The following SAMD8 variants were observed in gnomAD, a reference collection of about 807,000 sequenced individuals.
The protein encoded by SAMD8 is sphingomyelin synthase-related protein 1.
A neutral mutation model predicts 42.0 loss-of-function variants in SAMD8; 20 were observed. That is an observed-to-expected ratio of 0.48 (90% CI 0.34 to 0.69). The LOEUF (loss-of-function observed/expected upper bound fraction) is 0.69. SAMD8 is among the 30% of genes least tolerant of loss of function. The pLI, the probability that SAMD8 is intolerant of heterozygous loss-of-function variation, is 0.01. For synonymous variants in SAMD8, 162 were observed against 173.0 expected, an observed-to-expected ratio of 0.94 and a Z score of 0.50; for missense variants, 328 against 511.6, an observed-to-expected ratio of 0.64 and a Z score of 3.46.
At chr10:75,108,145 G>C (rs770963771), upstream of SAMD8, 1 of 1,613,184 alleles carries the variant, frequency 6.2e-7, no homozygotes, top group Non-Finnish European at 8.5e-7. Context: ...AGGCCCTTGT[G>C]GGCGGCGTTC....
chr10:75,174,896 C>G (rs1840956555), intron 4 of SAMD8, among the ~76,000 whole-genome samples: 1 of 152,102 alleles, frequency 6.6e-6, no homozygotes, highest in African/African-American at 2.4e-5. Context: ...AATAAACACA[C>G]AATGGTTTAT....
chr10:75,113,324 G>C (rs1039086158), intron 1 of SAMD8, among the ~76,000 whole-genome samples: 2 of 151,582 alleles, frequency 1.3e-5, no homozygotes, highest in African/African-American at 4.8e-5. Flanking sequence ...AACTTTTTAT[G>C]TGATTATAGG....
rs748367379 is a variant in SAMD8 at position 75,164,693 on chromosome 10, G to T, written c.627G>T (p.Met209Ile). The T allele has an allele frequency of 1.2e-6, 2 of 1,614,120 alleles. No individual in the cohort carries two copies. The highest frequency in any genetic ancestry group is 1.7e-6 in the Non-Finnish European group (2 of 1,180,010). Residue 209 changes from methionine to isoleucine, a missense_variant, in exon 3 of 6, where the codon ATG becomes ATT. Coordinates refer to ENST00000542569, the MANE Select transcript of SAMD8 (RefSeq NM_001174156.2). ...WAFAMTEVCG[M>I]ILCYIWLLVL... ...TTGCCATGACGGAAGTATGTGGCAT[G>T]ATTCTGTGCTATATTTGGCTCCTGG...
At chr10:75,121,777 T>G (rs1280725891) in intron 1 of SAMD8, among the ~76,000 whole-genome samples, 1 of 152,098 alleles carries the variant, frequency 6.6e-6, no homozygotes, top group Non-Finnish European at 1.5e-5. Flanking sequence ...CTGCAACCTC[T>G]GCCTCCCAGG....
chr10:75,150,985 A>G lies in SAMD8; in HGVS notation c.457A>G (p.Ile153Val), dbSNP rs372822872. ...RRLDPEYWKT[I>V]LSCIYVFIVF... ...ATTGGACCCAGAATACTGGAAGACT[A>G]TACTGAGTTGTATATATGTTTTTAT... Residue 153 changes from isoleucine (I) to valine (V), a missense_variant, in exon 2 of 6, where the codon ATA (isoleucine) becomes GTA (valine). Transcript: ENST00000542569. 28 of 1,612,988 alleles carry G rather than the reference A, an allele frequency of 1.7e-5. No homozygotes were observed. The Middle Eastern group carries it at 5.0e-4, about 29-fold the overall frequency.
intron 1 of SAMD8, among the ~76,000 whole-genome samples, chr10:75,101,134 A>C (rs2134359803): frequency 6.6e-6 from 1 of 152,234 alleles, no homozygotes; most frequent in East Asian, 1.9e-4. Context: ...CCAGTGGGGA[A>C]CAGCTGTGGG....
chr10:75,128,050 C>T (rs953009341), intron 1 of SAMD8, among the ~76,000 whole-genome samples: 1 of 149,338 alleles, frequency 6.7e-6, no homozygotes, highest in African/African-American at 2.5e-5. Context: ...ATTAATCTGG[C>T]TCTGATTTTT....
chr10:75,147,151 A>G (rs1357792446), intron 1 of SAMD8, among the ~76,000 whole-genome samples: 1 of 152,184 alleles, frequency 6.6e-6, no homozygotes, highest in Non-Finnish European at 1.5e-5. Flanking sequence ...GGAAAAAAAC[A>G]TATAAAAGAA....
intron 4 of SAMD8, among the ~76,000 whole-genome samples, chr10:75,169,550 C>T (rs1282025384): frequency 6.6e-6 from 1 of 152,040 alleles, no homozygotes; most frequent in East Asian, 1.9e-4. Flanking sequence ...CCCTTTCCCA[C>T]CATCCTTAGC....
At chr10:75,137,794 G>A (rs941117746) in intron 1 of SAMD8, among the ~76,000 whole-genome samples, 6 of 152,138 alleles carry the variant, frequency 3.9e-5, no homozygotes, top group African/African-American at 1.2e-4. Context: ...GAAGTTGGAT[G>A]GTGGTAATTG....
Position 75,155,274 on chromosome 10 carries a change from T to C in SAMD8, c.578+4168T>C, listed in dbSNP as rs11001308. Among the ~76,000 whole-genome samples the C allele has an allele frequency of 9.3e-3, 1,408 of 152,200 alleles. 27 individuals are homozygous for C. Among genetic ancestry groups the C allele is most frequent in the African/African-American group, 0.028 (1,169 of 41,522 alleles). On this transcript the variant is annotated intron_variant, in intron 2 of 5. Transcript: ENST00000542569. ...TGGGAAAACTGTGGAAGGAGCTGAC[T>C]TGGAGGGAAAATTAAGGGTTTGGTT...
rs910826871 is a variant in SAMD8, at chr10:75,180,087, AAG to A, written c.*3398_*3399del. 3 of 151,850 alleles carry A rather than the reference AAG, an allele frequency of 2.0e-5. No individual in the cohort carries two copies. Among genetic ancestry groups the A allele is most frequent in the Non-Finnish European group, 4.4e-5 (3 of 67,992 alleles). 9.4% of individuals were successfully genotyped at this position (151,850 alleles called of 1,614,324 possible). On this transcript the variant is annotated 3_prime_UTR_variant, in exon 6 of 6. Transcript: ENST00000542569. ...GGGTAATTGAAGAGTGGTAGAGAGT[AAG>A]AGGTTTTGAAGGAGGCAGGTTTGCT...
intron 1 of SAMD8, among the ~76,000 whole-genome samples, chr10:75,137,159 A>G (rs1038328857): frequency 6.6e-6 from 1 of 152,206 alleles, no homozygotes; most frequent in Non-Finnish European, 1.5e-5. Flanking sequence ...TAGCCAGAAG[A>G]TGAATGCAGC....
intron 4 of SAMD8, among the ~76,000 whole-genome samples, chr10:75,175,656 C>T (rs962947323): frequency 6.6e-6 from 1 of 152,112 alleles, no homozygotes. Flanking sequence ...TCAAGTGATT[C>T]TCCTGCCTTA....
At chr10:75,158,591 A>C (rs1443503520) in intron 2 of SAMD8, among the ~76,000 whole-genome samples, 1 of 151,408 alleles carries the variant, frequency 6.6e-6, no homozygotes, top group Non-Finnish European at 1.5e-5. Context: ...GACTCTCTCA[A>C]AAAAAAAATA....
At chr10:75,113,297 T>G (rs533084289) in intron 1 of SAMD8, among the ~76,000 whole-genome samples, 1 of 152,228 alleles carries the variant, frequency 6.6e-6, no homozygotes, top group Non-Finnish European at 1.5e-5. Context: ...TTTAGCCACA[T>G]GTCTCATATG....
At chr10:75,126,979 A>G (rs1264392960) in intron 1 of SAMD8, among the ~76,000 whole-genome samples, 22 of 152,056 alleles carry the variant, frequency 1.4e-4, no homozygotes, top group Non-Finnish European at 2.9e-5. Context: ...CCTGAGGTCA[A>G]CGGTTCGAGA....
At chr10:75,100,035 CA>C (rs917652792) in intron 1 of SAMD8, among the ~76,000 whole-genome samples, 3 of 152,118 alleles carry the variant, frequency 2.0e-5, no homozygotes, top group Admixed American at 2.0e-4. Flanking sequence ...GGGGCTGCAC[CA>C]CCCCAGGCAG....
rs1288476006 is a variant in SAMD8, at chr10:75,176,060, T to C, written c.793-6T>C. On this transcript the variant is annotated splice_region_variant and splice_polypyrimidine_tract_variant and intron_variant, in intron 4 of 5. Coordinates refer to ENST00000542569, the MANE Select transcript of SAMD8 (RefSeq NM_001174156.2). This position sits in a 1 kb window ranked among gnomAD's most constrained non-coding sequence, Gnocchi z 4.3. ...TGAAGCACTAATTCATAACTTTTCT[T>C]CATAGATATATGGCAGTGTATGGGA... The C allele has an allele frequency of 2.5e-6, 4 of 1,608,442 alleles. 1 individual carries two copies. The South Asian group carries it at 4.4e-5, about 18-fold the overall frequency.
Sources: allele counts gnomAD v4.1 joint callset (sites outside exome capture counted in the v4.1 genomes callset), GRCh38; gene constraint gnomAD v4.1.1; non-coding constraint Gnocchi (gnomAD v3.1); transcripts MANE v1.5; gene names NCBI Gene and HGNC (gene_info 2026-07-23, HGNC 2026-07-21).